COX7B2: variants seen among roughly 807,000 people sequenced by gnomAD.
COX7B2 encodes the protein cytochrome c oxidase subunit 7B2.
For missense variants in COX7B2, 109 were observed against 95.9 expected (o/e 1.14, Z -0.57); for synonymous variants, 37 against 32.1 (o/e 1.15, Z -0.51).
At position 46,896,033 on chromosome 4, in the gene COX7B2, A is replaced by G. The variant is rs370512680; in HGVS notation, c.-105+13127T>C. On this transcript the variant is annotated intron_variant, in intron 1 of 2. Transcript: ENST00000355591. ...GAAGCTTCTGGAGAAGTTATTATTAAACACACAAAACACAGGCTACAAGTA... is the reference window on the plus strand; with the variant it reads ...GAAGCTTCTGGAGAAGTTATTATTAGACACACAAAACACAGGCTACAAGTA... Among the ~76,000 whole-genome samples, 4 of 152,318 alleles carry G rather than the reference A, an allele frequency of 2.6e-5. No homozygotes were observed. In the South Asian group the frequency reaches 8.3e-4, roughly 32 times the overall value.
chr4:46,761,177 G>A (rs978195829), intron 2 of COX7B2, among the ~76,000 whole-genome samples: 1 of 152,120 alleles, frequency 6.6e-6, no homozygotes, highest in East Asian at 1.9e-4. Flanking sequence ...TTTTAAGTGG[G>A]TAGAACAAGC....
chr4:46,845,276 T>C (rs1716191924), intron 1 of COX7B2, among the ~76,000 whole-genome samples: 1 of 151,948 alleles, frequency 6.6e-6, no homozygotes, highest in Non-Finnish European at 1.5e-5. Flanking sequence ...TCTCAACCCA[T>C]GTGGTTGAGA....
intron 2 of COX7B2, among the ~76,000 whole-genome samples, chr4:46,781,708 G>A (rs115142959): frequency 0.013 from 1,979 of 152,302 alleles, 39 homozygotes; most frequent in African/African-American, 0.045. Context: ...CCTGGGCTGC[G>A]CCTGGCGCTC....
At chr4:46,752,680 G>A (rs1180473963) in intron 2 of COX7B2, among the ~76,000 whole-genome samples, 2 of 152,166 alleles carry the variant, frequency 1.3e-5, no homozygotes, top group East Asian at 3.9e-4. Context: ...AGATAATCAT[G>A]TGGTTTTTGT....
At chr4:46,819,310 G>C (rs1280892091) in intron 2 of COX7B2, among the ~76,000 whole-genome samples, 6 of 151,994 alleles carry the variant, frequency 3.9e-5, no homozygotes, top group Non-Finnish European at 7.4e-5. Context: ...GAGGTATATC[G>C]ACTCCTCATG....
At chr4:46,824,750 C>A (rs1714559634) in intron 2 of COX7B2, among the ~76,000 whole-genome samples, 1 of 150,538 alleles carries the variant, frequency 6.6e-6, no homozygotes, top group South Asian at 2.1e-4. Context: ...AAATGTAATT[C>A]ATTGCATAAA....
At chr4:46,808,727 T>G (rs1719134970) in intron 2 of COX7B2, among the ~76,000 whole-genome samples, 1 of 151,890 alleles carries the variant, frequency 6.6e-6, no homozygotes, top group Non-Finnish European at 1.5e-5. Flanking sequence ...CCTAAACTGT[T>G]GAGCATATTT....
intron 2 of COX7B2, among the ~76,000 whole-genome samples, chr4:46,841,579 C>A (rs566577797): frequency 2.6e-5 from 4 of 151,772 alleles, no homozygotes; most frequent in Admixed American, 1.3e-4. Flanking sequence ...TACATCTGAC[C>A]CAAGCAGGTC....
At chr4:46,753,008 G>C (rs1223607153) in intron 2 of COX7B2, among the ~76,000 whole-genome samples, 2 of 152,096 alleles carry the variant, frequency 1.3e-5, no homozygotes, top group East Asian at 3.9e-4. Context: ...GCTCCTCCTT[G>C]TACCTCTGGT....
intron 2 of COX7B2, among the ~76,000 whole-genome samples, chr4:46,793,613 A>C (rs1718164461): frequency 1.3e-5 from 2 of 152,232 alleles, no homozygotes; most frequent in African/African-American, 4.8e-5. Context: ...TGCAGCTCAA[A>C]CACCACATAA....
intron 2 of COX7B2, among the ~76,000 whole-genome samples, chr4:46,754,728 G>GTATA (rs56248005): frequency 0.05 from 1,998 of 39,760 alleles, 121 homozygotes; most frequent in Middle Eastern, 0.12. Flanking sequence ...GTGTGTGTGT[G>GTATA]TATATATATA....
chr4:46,866,223 C>A (rs923096617), intron 1 of COX7B2, among the ~76,000 whole-genome samples: 1 of 152,148 alleles, frequency 6.6e-6, no homozygotes, highest in Non-Finnish European at 1.5e-5. Context: ...GAAGTATCCC[C>A]CCTTCTGGAA....
At chr4:46,808,797 T>C (rs1719139949) in intron 2 of COX7B2, among the ~76,000 whole-genome samples, 1 of 151,898 alleles carries the variant, frequency 6.6e-6, no homozygotes, top group Admixed American at 6.6e-5. Context: ...GATGATCACG[T>C]GGTTTATATC....
At chr4:46,738,675 G>A (rs1051641084) in intron 2 of COX7B2, among the ~76,000 whole-genome samples, 1 of 151,978 alleles carries the variant, frequency 6.6e-6, no homozygotes, top group Admixed American at 6.6e-5. Context: ...AAGAACTAAA[G>A]CTACAGGTTC....
intron 1 of COX7B2, among the ~76,000 whole-genome samples, chr4:46,877,149 C>T (rs1322571875): frequency 6.6e-6 from 1 of 152,052 alleles, no homozygotes; most frequent in Non-Finnish European, 1.5e-5. Context: ...TTACTCTGAA[C>T]TTGGTGTATC....
intron 2 of COX7B2, among the ~76,000 whole-genome samples, chr4:46,777,444 G>T (rs576014159): frequency 6.6e-6 from 1 of 152,126 alleles, no homozygotes; most frequent in South Asian, 2.1e-4. Flanking sequence ...TTAAATAATG[G>T]AAAAATAATA....
chr4:46,762,611 G>T (rs960480014), intron 2 of COX7B2, among the ~76,000 whole-genome samples: 1 of 149,162 alleles, frequency 6.7e-6, no homozygotes, highest in African/African-American at 2.5e-5. Context: ...GTGAGGTAGA[G>T]AGCATAGAAA....
chr4:46,784,107 A>G (rs987428312), intron 2 of COX7B2, among the ~76,000 whole-genome samples: 4 of 152,194 alleles, frequency 2.6e-5, no homozygotes, highest in African/African-American at 9.7e-5. Flanking sequence ...ACTCTGCTAT[A>G]TAACCCAGTT....
intron 2 of COX7B2, among the ~76,000 whole-genome samples, chr4:46,787,259 C>T (rs991474163): frequency 2.0e-5 from 3 of 152,036 alleles, no homozygotes; most frequent in Non-Finnish European, 2.9e-5. Flanking sequence ...ACCAGCCCGA[C>T]CAATATGGAG....
Sources: gnomAD v4.1 joint callset for allele counts (sites outside exome capture counted in the v4.1 genomes callset) on GRCh38, gnomAD v4.1.1 for gene constraint, MANE v1.5 for transcripts, NCBI Gene and HGNC (gene_info 2026-07-23, HGNC 2026-07-21) for gene names.